DYM: variants seen among roughly 807,000 people sequenced by gnomAD.
DYM encodes the protein dymeclin, also known as dyggve-Melchior-Clausen syndrome protein.
In DYM, 78 loss-of-function variants were observed where a neutral mutation model predicts 93.1. The ratio of observed to expected loss-of-function variants is 0.84; its 90% CI spans 0.70 to 1.01. The LOEUF (loss-of-function observed/expected upper bound fraction) is 1.01, where lower values mean the gene tolerates loss of function less well. Among genes scored for constraint, DYM ranks in the 50% least tolerant of loss-of-function variants. DYM has a pLI of 0.00. For synonymous variants in DYM, 321 were observed against 319.7 expected (o/e 1.00, Z -0.04); for missense variants, 789 against 845.0 (o/e 0.93, Z 0.82).
In DYM at chr18:49,292,620, AAAAAACC is replaced by A. The variant is rs1228695824; in HGVS notation, c.764-6011_764-6005del. On this transcript the variant is annotated intron_variant, in intron 8 of 17. Coordinates refer to ENST00000675505, the MANE Select transcript of DYM (RefSeq NM_001353214.3). ...AAAAAAAAAAAAAAAAAAAAAAAAA[AAAAAACC>A]CCCACAAAAACCTGTCCACCAGAAA... 1.1e-3 allele frequency among the ~76,000 whole-genome samples: 158 copies of A among 141,066 alleles called. 35 individuals carry two copies. The highest frequency in any genetic ancestry group is 7.4e-3 in the Middle Eastern group (2 of 270). 92.5% of individuals were successfully genotyped at this position (141,066 alleles called of 152,430 possible).
rs548975291 is a variant in DYM at position 49,089,297 on chromosome 18, C to G, written c.2025+8105G>C. Among the ~76,000 whole-genome samples, 5 of 152,318 alleles carry G rather than the reference C, an allele frequency of 3.3e-5. No homozygotes were observed. In the East Asian group the frequency reaches 9.6e-4, roughly 29 times the overall value. On this transcript the variant is annotated intron_variant, in intron 17 of 17. Transcript: ENST00000675505. ...AGGAAGTTGAGTCAAAAGAGGGATA[C>G]TTATGTCAGACTGAAAAGCATATGC...
intron 1 of DYM, among the ~76,000 whole-genome samples, chr18:49,455,732 A>G (rs1362590464): frequency 1.3e-5 from 2 of 152,154 alleles, no homozygotes; most frequent in African/African-American, 4.8e-5. Context: ...TGGGTGGATC[A>G]CCTGAGGTCA....
chr18:49,421,787 A>C (rs2073741645), intron 2 of DYM, among the ~76,000 whole-genome samples: 1 of 152,254 alleles, frequency 6.6e-6, no homozygotes, highest in South Asian at 2.1e-4. Context: ...TAACTAGAAT[A>C]AACCGCATAG....
Position 49,419,962 on chromosome 18 carries a change from T to C in DYM, c.140+10293A>G, listed in dbSNP as rs116987692. Among the ~76,000 whole-genome samples, 505 of 152,310 alleles carry C rather than the reference T, an allele frequency of 3.3e-3. 2 individuals carry two copies. Among genetic ancestry groups the C allele is most frequent in the Admixed American group, 5.2e-3 (80 of 15,292 alleles). ...CGTATCACTATCACATGAGCAGCAG[T>C]ACTCAGTGATAATTCTGCAAGGATT... On this transcript the variant is annotated intron_variant, in intron 2 of 17. Coordinates refer to ENST00000675505, the MANE Select transcript of DYM (RefSeq NM_001353214.3).
rs750848541 is a variant in DYM, at chr18:49,317,646, C to CTCCTCTCCTCTCCTCTCCT, written c.763+14217_763+14218insAGGAGAGGAGAGGAGAGGA. Among the ~76,000 whole-genome samples, 44 of 36,594 alleles carry CTCCTCTCCTCTCCTCTCCT rather than the reference C, an allele frequency of 1.2e-3. 1 individual carries two copies. Among genetic ancestry groups the CTCCTCTCCTCTCCTCTCCT allele is most frequent in the East Asian group, 2.4e-3 (3 of 1,254 alleles). The allele number at this position is 36,594 out of a possible 152,430, so 24.0% of individuals were successfully genotyped here. ...CTCCCTCCCTCTCCTATCCTCTCCT[C>CTCCTCTCCTCTCCTCTCCT]TCCTTCCTTCCTTCCTTCCTTCCTT... On this transcript the variant is annotated intron_variant, in intron 8 of 17. Transcript: ENST00000675505.
intron 8 of DYM, among the ~76,000 whole-genome samples, chr18:49,310,907 G>A (rs918168189): frequency 6.6e-6 from 1 of 151,998 alleles, no homozygotes. Context: ...ACAAAGAAAT[G>A]GGTAAAAATA....
At chr18:49,383,638 C>T (rs1396670803) in intron 3 of DYM, among the ~76,000 whole-genome samples, 1 of 152,190 alleles carries the variant, frequency 6.6e-6, no homozygotes, top group Non-Finnish European at 1.5e-5. Context: ...ATGGGTTACA[C>T]CCCATCCCCT....
intron 17 of DYM, among the ~76,000 whole-genome samples, chr18:49,054,113 T>G (rs974468959): frequency 6.6e-6 from 1 of 152,162 alleles, no homozygotes; most frequent in Non-Finnish European, 1.5e-5. Context: ...CCAAGTGTAA[T>G]GGAGGGAGTG....
chr18:49,425,271 C>T (rs2074159218), intron 2 of DYM, among the ~76,000 whole-genome samples: 1 of 152,116 alleles, frequency 6.6e-6, no homozygotes, highest in South Asian at 2.1e-4. Flanking sequence ...TTTGACAAAC[C>T]TGACAAAAAC....
At chr18:49,237,896 C>G (rs138976233) in intron 13 of DYM, among the ~76,000 whole-genome samples, 57 of 149,786 alleles carry the variant, frequency 3.8e-4, no homozygotes, top group African/African-American at 1.3e-3. Context: ...TCCATCAGTA[C>G]CTTACTCTTT....
intron 5 of DYM, among the ~76,000 whole-genome samples, chr18:49,372,322 A>G (rs1362910106): frequency 6.6e-6 from 1 of 152,262 alleles, no homozygotes; most frequent in African/African-American, 2.4e-5. Context: ...GAAATCTCAA[A>G]CTAACAACAT....
At chr18:49,362,715 TCTCA>T (rs1471874146) in intron 6 of DYM, among the ~76,000 whole-genome samples, 1 of 152,078 alleles carries the variant, frequency 6.6e-6, no homozygotes, top group Non-Finnish European at 1.5e-5. Flanking sequence ...TTCCCCTACA[TCTCA>T]CTGACTATGC....
In DYM at chr18:49,042,368, A is replaced by G. The variant is rs980774889; in HGVS notation, c.*1687T>C. 2 of 152,406 alleles carry G rather than the reference A, an allele frequency of 1.3e-5. No individual in the cohort carries two copies. Among genetic ancestry groups the G allele is most frequent in the Non-Finnish European group, 2.9e-5 (2 of 68,080 alleles). 9.4% of individuals were successfully genotyped at this position (152,406 alleles called of 1,614,324 possible). Reference sequence around the variant, plus strand: ...CTTGGCCTTAGGGAACCTCTGTTTCATTCCATCCAGACGAGGATAGGGAAG... The same window carrying G: ...CTTGGCCTTAGGGAACCTCTGTTTCGTTCCATCCAGACGAGGATAGGGAAG... On this transcript the variant is annotated 3_prime_UTR_variant, in exon 18 of 18. Coordinates refer to ENST00000675505, the MANE Select transcript of DYM (RefSeq NM_001353214.3).
intron 11 of DYM, among the ~76,000 whole-genome samples, chr18:49,269,180 TCAA>T (rs2094627271): frequency 6.6e-6 from 1 of 151,996 alleles, no homozygotes; most frequent in Non-Finnish European, 1.5e-5. Flanking sequence ...ATAAATATGG[TCAA>T]CAAGTATATG....
Position 49,332,562 on chromosome 18 carries a change from C to A in DYM, c.621-556G>T, listed in dbSNP as rs532754703. Among the ~76,000 whole-genome samples the A allele has an allele frequency of 5.3e-5, 8 of 152,266 alleles. No homozygotes were observed. In the South Asian group the frequency reaches 1.7e-3, roughly 32 times the overall value. On this transcript the variant is annotated intron_variant, in intron 7 of 17. Transcript: ENST00000675505. ...ATTTAAAAATAACAATAGGACTACA[C>A]TTTTTAAGTATGAAATTATTCAATT... is the stretch of plus-strand genomic sequence containing the variant.
chr18:49,206,144 G>A (rs1439709882), intron 14 of DYM, among the ~76,000 whole-genome samples: 1 of 151,690 alleles, frequency 6.6e-6, no homozygotes, highest in African/African-American at 2.4e-5. Context: ...GACTACAAGC[G>A]TGTGCCACCA....
At chr18:49,049,662 A>G (rs890252233) in intron 17 of DYM, 1 of 154,394 alleles carries the variant, frequency 6.5e-6, no homozygotes, top group African/African-American at 2.4e-5. Flanking sequence ...ACATGCAAGT[A>G]TAAGGGATGC....
intron 6 of DYM, among the ~76,000 whole-genome samples, chr18:49,349,003 T>C (rs1285426033): frequency 6.7e-6 from 1 of 148,952 alleles, no homozygotes; most frequent in Non-Finnish European, 1.5e-5. Flanking sequence ...AGCACAGCAG[T>C]TCAAGACCAG....
At chr18:49,449,809 G>A (rs1199186739) in intron 1 of DYM, among the ~76,000 whole-genome samples, 2 of 152,168 alleles carry the variant, frequency 1.3e-5, no homozygotes, top group African/African-American at 4.8e-5. Flanking sequence ...TCAAAAGAAA[G>A]GGTACCTTAG....
Sources: allele counts gnomAD v4.1 joint callset (sites outside exome capture counted in the v4.1 genomes callset), GRCh38; gene constraint gnomAD v4.1.1; transcripts MANE v1.5; gene names NCBI Gene and HGNC (gene_info 2026-07-23, HGNC 2026-07-21).